OSTF1: variants seen among roughly 807,000 people sequenced by gnomAD.
OSTF1 encodes the protein osteoclast-stimulating factor 1.
A neutral mutation model predicts 37.2 loss-of-function variants in OSTF1; 27 were observed. That is an observed-to-expected ratio of 0.73 (90% CI 0.54 to 1.00). OSTF1 has a LOEUF of 1.00. Ranked by LOEUF, OSTF1 falls within the 50% of genes least tolerant of loss-of-function variation. OSTF1 has a pLI of 0.00. For synonymous variants in OSTF1, 82 were observed against 89.2 expected (o/e 0.92, Z 0.46); for missense variants, 232 against 253.8 (o/e 0.91, Z 0.58).
At chr9:75,095,428 GGCAAGGAGCTT>G (rs1442306491) in intron 1 of OSTF1, among the ~76,000 whole-genome samples, 1 of 152,198 alleles carries the variant, frequency 6.6e-6, no homozygotes, top group East Asian at 1.9e-4. Context: ...GGAAGCATGG[GGCAAGGAGCTT>G]GAGGCAGCTG....
In OSTF1 at chr9:75,102,328, T is replaced by C. The variant is rs559655177; in HGVS notation, c.34+13602T>C. Reference sequence around the variant, plus strand: ...TAAACAGTGGATGCACACATTGATATGTGAAATGCTCTGGGCTGGTGTTTT... The same window carrying C: ...TAAACAGTGGATGCACACATTGATACGTGAAATGCTCTGGGCTGGTGTTTT... On this transcript the variant is annotated intron_variant, in intron 1 of 9. Transcript: ENST00000346234. 8.5e-5 allele frequency among the ~76,000 whole-genome samples: 13 copies of C among 152,320 alleles called. No homozygotes were observed. The South Asian group carries it at 2.7e-3, about 32-fold the overall frequency.
chr9:75,112,524 A>C (rs898922744), intron 1 of OSTF1, among the ~76,000 whole-genome samples: 1 of 152,226 alleles, frequency 6.6e-6, no homozygotes, highest in African/African-American at 2.4e-5. Context: ...TTGTGTATGT[A>C]AAAGTGTTTT....
intron 2 of OSTF1, among the ~76,000 whole-genome samples, chr9:75,121,516 A>G (rs1251450078): frequency 6.6e-6 from 1 of 152,174 alleles, no homozygotes; most frequent in East Asian, 1.9e-4. Context: ...TGTTGCCTCT[A>G]TATTTCTCCC....
intron 2 of OSTF1, among the ~76,000 whole-genome samples, chr9:75,127,252 T>G (rs2118560458): frequency 6.6e-6 from 1 of 152,310 alleles, no homozygotes; most frequent in South Asian, 2.1e-4. Flanking sequence ...TATACCACCT[T>G]TTAGAATTTC....
chr9:75,133,213 G>A, intron 5 of OSTF1, 81 bp from the exon 6 acceptor site: 3 of 816,018 alleles, frequency 3.7e-6, no homozygotes, highest in Non-Finnish European at 6.1e-6. Context: ...GGAAATTTAT[G>A]CAGAATGACA....
intron 1 of OSTF1, among the ~76,000 whole-genome samples, chr9:75,113,769 CAT>C (rs1236896303): frequency 1.5e-4 from 23 of 152,230 alleles, no homozygotes; most frequent in Non-Finnish European, 2.8e-4. Context: ...AGCTAATTAA[CAT>C]GTGTTACCTT....
chr9:75,126,081 T>C (rs574897889), intron 2 of OSTF1, among the ~76,000 whole-genome samples: 7 of 152,106 alleles, frequency 4.6e-5, no homozygotes, highest in Admixed American at 2.6e-4. Context: ...GGCACATTTT[T>C]TGTGTGTGTT....
chr9:75,105,775 C>T (rs1825273435), intron 1 of OSTF1, among the ~76,000 whole-genome samples: 1 of 151,958 alleles, frequency 6.6e-6, no homozygotes, highest in Non-Finnish European at 1.5e-5. Flanking sequence ...TGTTTTTTAC[C>T]CAGTGAAGAC....
Position 75,137,582 on chromosome 9 carries a change from T to C in OSTF1, c.453T>C (p.Gly151=), listed in dbSNP as rs1334735736. Residue 151 remains glycine (G), a synonymous_variant, in exon 8 of 10, where the codon GGT becomes GGC. Coordinates refer to ENST00000346234, the MANE Select transcript of OSTF1 (RefSeq NM_012383.5). ...CTTTGCATGCTGCTGCCTGGAAGGG[T>C]TATGCAGATATCGTCCAGTTGCTTC... The part of the protein sequence containing the change: ...DTALHAAAWK[G]YADIVQLLLA... The C allele has an allele frequency of 1.2e-6, 2 of 1,613,056 alleles. No individual in the cohort carries two copies. Among genetic ancestry groups the C allele is most frequent in the African/African-American group, 2.7e-5 (2 of 74,902 alleles).
chr9:75,118,778 A>T (rs1825533546), intron 2 of OSTF1, among the ~76,000 whole-genome samples: 1 of 152,214 alleles, frequency 6.6e-6, no homozygotes, highest in Admixed American at 6.5e-5. Context: ...TGTGAGACTT[A>T]TTCACTACCA....
intron 9 of OSTF1, among the ~76,000 whole-genome samples, chr9:75,143,909 G>A (rs1298226220): frequency 2.0e-5 from 3 of 152,190 alleles, no homozygotes; most frequent in East Asian, 3.9e-4. Flanking sequence ...TTGCTGACTT[G>A]TGCCTGTCTT....
intron 1 of OSTF1, among the ~76,000 whole-genome samples, chr9:75,115,775 C>T (rs941258388): frequency 1.3e-5 from 2 of 151,678 alleles, no homozygotes; most frequent in East Asian, 1.9e-4. Flanking sequence ...ATTCAACCAA[C>T]TGTGAATCAA....
chr9:75,095,685 C>T (rs75777481), intron 1 of OSTF1, among the ~76,000 whole-genome samples: 7,211 of 152,166 alleles, frequency 0.047, 221 homozygotes, highest in Middle Eastern at 0.082. Context: ...AAGGGAAGGC[C>T]GTTTACCCAG....
intron 2 of OSTF1, among the ~76,000 whole-genome samples, chr9:75,127,302 C>T (rs9695215): frequency 0.02 from 3,078 of 152,150 alleles, 43 homozygotes; most frequent in Admixed American, 0.049. Flanking sequence ...TTTTGATATA[C>T]AAATGTCTTG....
chr9:75,124,968 T>A (rs75168135), intron 2 of OSTF1, among the ~76,000 whole-genome samples: 7,265 of 152,244 alleles, frequency 0.048, 223 homozygotes, highest in Middle Eastern at 0.078. Flanking sequence ...CTTTGGGAGA[T>A]GTACTCAGTA....
chr9:75,131,815 C>T lies in OSTF1; in HGVS notation c.242C>T (p.Ala81Val). The change falls in exon 5 of 10, where the codon GCA (alanine) becomes GTA (valine). Residue 81 changes from alanine (A) to valine (V), a missense_variant. Ala to Val is a moderately conservative substitution (Grantham distance 64, BLOSUM62 0). Coordinates refer to ENST00000346234, the MANE Select transcript of OSTF1 (RefSeq NM_012383.5). ...ESIDNPLHEA[A>V]KRGNLSWLRE... ...ATTGACAATCCATTGCATGAAGCAGCAAAAAGAGGTAGGTGTGATTCTTTT... is the reference window on the plus strand; with the variant it reads ...ATTGACAATCCATTGCATGAAGCAGTAAAAAGAGGTAGGTGTGATTCTTTT... 2 of 1,611,910 alleles carry T rather than the reference C, an allele frequency of 1.2e-6. No individual in the cohort carries two copies. Among genetic ancestry groups the T allele is most frequent in the Non-Finnish European group, 1.7e-6 (2 of 1,178,342 alleles).
intron 9 of OSTF1, 35 bp downstream of exon 9, chr9:75,140,967 C>A: frequency 7.2e-7 from 1 of 1,395,550 alleles, no homozygotes; most frequent in Non-Finnish European, 1.0e-6. Context: ...TCCTCTGGTG[C>A]CCCATAACTA....
chr9:75,141,312 C>CAAAAAAAAA (rs529293090), intron 9 of OSTF1, among the ~76,000 whole-genome samples: 61 of 71,672 alleles, frequency 8.5e-4, no homozygotes, highest in Non-Finnish European at 1.0e-3. Context: ...AAAAGAAAAC[C>CAAAAAAAAA]AAAAAAAAAA....
At chr9:75,113,844 C>G (rs1825435121) in intron 1 of OSTF1, among the ~76,000 whole-genome samples, 1 of 152,144 alleles carries the variant, frequency 6.6e-6, no homozygotes, top group South Asian at 2.1e-4. Context: ...GTACATAATA[C>G]ATTGTTATTA....
Sources: gnomAD v4.1 joint callset for allele counts (sites outside exome capture counted in the v4.1 genomes callset) on GRCh38, gnomAD v4.1.1 for gene constraint, MANE v1.5 for transcripts, NCBI Gene and HGNC (gene_info 2026-07-23, HGNC 2026-07-21) for gene names.